The following ARID2 variants were observed in gnomAD, a reference collection of about 807,000 sequenced individuals.
ARID2 encodes AT-rich interaction domain 2, also known as AT-rich interactive domain-containing protein 2.
In ARID2, 32 loss-of-function variants were observed where a neutral mutation model predicts 184.6. The observed-to-expected ratio is 0.17, with a 90% CI of 0.13 to 0.23. The LOEUF (loss-of-function observed/expected upper bound fraction) is 0.23. Among genes scored for constraint, ARID2 ranks in the 10% least tolerant of loss-of-function variants. ARID2 has a pLI of 1.00. For missense variants in ARID2, 1,696 were observed against 2,197.6 expected (o/e 0.77, Z 4.56); for synonymous variants, 836 against 772.6 (o/e 1.08, Z -1.36).
intron 12 of ARID2, among the ~76,000 whole-genome samples, chr12:45,848,504 A>G (rs934395080): frequency 2.6e-5 from 4 of 152,110 alleles, no homozygotes; most frequent in African/African-American, 9.6e-5. Context: ...TATGATTATT[A>G]CAAGACAGGA....
At chr12:45,828,288 C>G (rs1943042007) in intron 6 of ARID2, among the ~76,000 whole-genome samples, 2 of 151,946 alleles carry the variant, frequency 1.3e-5, no homozygotes, top group Non-Finnish European at 2.9e-5. Flanking sequence ...CATATCGTTG[C>G]AAGTATTTGT....
Position 45,771,692 on chromosome 12 carries a change from C to CTATA in ARID2, c.285-39711_285-39708dup, listed in dbSNP as rs146042982. On this transcript the variant is annotated intron_variant, in intron 3 of 20. Transcript: ENST00000334344. ...TGTCTTAAAGAGCAAATGTGTAAAACTATATATATATATATATAGTCTTTG... is the reference window on the plus strand; with the variant it reads ...TGTCTTAAAGAGCAAATGTGTAAAACTATATATATATATATATATATAGTCTTTG... Among the ~76,000 whole-genome samples, 716 of 145,754 alleles carry CTATA rather than the reference C, an allele frequency of 4.9e-3. 2 individuals carry two copies. The highest frequency in any genetic ancestry group is 0.014 in the Middle Eastern group (4 of 288).
intron 15 of ARID2, among the ~76,000 whole-genome samples, chr12:45,855,124 A>C (rs558892286): frequency 6.6e-6 from 1 of 152,330 alleles, no homozygotes; most frequent in South Asian, 2.1e-4. Context: ...TTAAATGATC[A>C]TTTTAGGACA....
At chr12:45,731,673 G>A (rs1248742161) in intron 3 of ARID2, among the ~76,000 whole-genome samples, 1 of 151,946 alleles carries the variant, frequency 6.6e-6, no homozygotes, top group Non-Finnish European at 1.5e-5. Context: ...TAACCTTTGG[G>A]AAAATTTTTT....
chr12:45,905,353 C>A lies in ARID2; in HGVS notation c.*275C>A, dbSNP rs536590323. 6.4e-6 allele frequency: 2 copies of A among 310,184 alleles called. No individual in the cohort carries two copies. Among genetic ancestry groups the A allele is most frequent in the Non-Finnish European group, 1.2e-5 (2 of 167,508 alleles). 19.2% of individuals were successfully genotyped at this position (310,184 alleles called of 1,614,324 possible). A position where few individuals can be genotyped will look rare whatever the true frequency, so the allele number is the denominator to read the frequency against. On this transcript the variant is annotated 3_prime_UTR_variant, in exon 21 of 21. Transcript: ENST00000334344. ...GCAGGATGTTTCAGATCTGATAAAT[C>A]CTGATGGAAACTGGTATGATCAGAA...
intron 16 of ARID2, among the ~76,000 whole-genome samples, chr12:45,864,402 A>T (rs1304513805): frequency 3.3e-5 from 5 of 152,052 alleles, no homozygotes; most frequent in Admixed American, 6.5e-5. Flanking sequence ...TTTTGTTTAG[A>T]GTTTGAATTG....
intron 6 of ARID2, among the ~76,000 whole-genome samples, chr12:45,835,356 A>T (rs1592107256): frequency 6.6e-6 from 1 of 151,998 alleles, no homozygotes; most frequent in Admixed American, 6.6e-5. Context: ...ATTGTCTTTT[A>T]AAAAAATGTG....
In ARID2 at chr12:45,850,696, C is replaced by A. The variant is rs1476385697; in HGVS notation, c.2573C>A (p.Ala858Glu). 6.2e-7 allele frequency: 1 copy of A among 1,613,996 alleles called. No individual in the cohort carries two copies. Among genetic ancestry groups the A allele is most frequent in the Non-Finnish European group, 8.5e-7 (1 of 1,179,990 alleles). The part of the protein sequence containing the change: ...IAPPQYVTTS[A>E]SNIVSATSVQ... ...CCCCCACAGTATGTAACAACTTCTG[C>A]ATCCAATATTGTCTCAGCAACTTCA... The change falls in exon 15 of 21, where the codon GCA becomes GAA. Residue 858 changes from alanine to glutamate, a missense_variant. Physicochemically the swap from Ala to Glu is moderately radical, Grantham distance 107. Transcript: ENST00000334344.
intron 15 of ARID2, among the ~76,000 whole-genome samples, 182 bp from the exon 16 acceptor site, chr12:45,860,619 T>A (rs1260135192): frequency 6.6e-6 from 1 of 151,994 alleles, no homozygotes; most frequent in Admixed American, 6.5e-5. Context: ...AAATAAACTT[T>A]CTAAATATTT....
At chr12:45,749,675 C>G (rs1047182220) in intron 3 of ARID2, among the ~76,000 whole-genome samples, 1 of 152,194 alleles carries the variant, frequency 6.6e-6, no homozygotes, top group Admixed American at 6.5e-5. Context: ...TTTACCTTAG[C>G]TAGATCTTCT....
intron 3 of ARID2, 90 bp downstream of exon 3, chr12:45,731,404 A>T (rs1940995348): frequency 3.6e-6 from 3 of 844,018 alleles, no homozygotes; most frequent in Non-Finnish European, 6.0e-6. Flanking sequence ...AACCTTGCAC[A>T]CCAAACAGTT....
At chr12:45,808,188 A>G (rs550132591) in intron 3 of ARID2, among the ~76,000 whole-genome samples, 2 of 152,356 alleles carry the variant, frequency 1.3e-5, no homozygotes, top group Admixed American at 1.3e-4. Context: ...AGGTCATGTT[A>G]GGGAATTAAA....
chr12:45,836,870 G>C lies in ARID2; in HGVS notation c.902G>C (p.Gly301Ala), dbSNP rs2138127595. Residue 301 changes from glycine to alanine, a missense_variant, in exon 8 of 21, where the codon GGC becomes GCC. This residue lies in a region of ARID2 where 86 missense variants were observed against 200.8 expected (regional missense o/e 0.43). Coordinates refer to ENST00000334344, the MANE Select transcript of ARID2 (RefSeq NM_152641.4). ...VILRNLSFEE[G>A]NVKLLAANRT... is the part of the protein sequence containing the mutation. ...TTGAGAAATCTTTCCTTTGAGGAGGGCAATGTTAAGCTCTTGGCAGCTAAT... is the reference window on the plus strand; with the variant it reads ...TTGAGAAATCTTTCCTTTGAGGAGGCCAATGTTAAGCTCTTGGCAGCTAAT... 1.2e-6 allele frequency: 2 copies of C among 1,614,076 alleles called. No homozygotes were observed. Among genetic ancestry groups the C allele is most frequent in the Non-Finnish European group, 1.7e-6 (2 of 1,180,002 alleles).
intron 6 of ARID2, among the ~76,000 whole-genome samples, chr12:45,835,514 G>C (rs1236145084): frequency 2.0e-5 from 3 of 151,770 alleles, no homozygotes; most frequent in African/African-American, 7.3e-5. Flanking sequence ...AAAAAACCCA[G>C]TTGTTTTGAA....
chr12:45,811,580 T>A (rs2138083237), intron 4 of ARID2, 29 bp downstream of exon 4: 5 of 1,606,946 alleles, frequency 3.1e-6, no homozygotes, highest in Non-Finnish European at 4.3e-6. Flanking sequence ...TAACAGGATA[T>A]ATGTCCGCAG....
At chr12:45,857,321 T>G (rs973069888) in intron 15 of ARID2, among the ~76,000 whole-genome samples, 4 of 152,176 alleles carry the variant, frequency 2.6e-5, no homozygotes, top group African/African-American at 7.2e-5. Flanking sequence ...AATAGATTGG[T>G]AGCCTCAGGC....
intron 3 of ARID2, among the ~76,000 whole-genome samples, chr12:45,759,506 T>C (rs981232197): frequency 1.3e-5 from 2 of 152,132 alleles, no homozygotes; most frequent in Admixed American, 6.5e-5. Context: ...CTAGGAGATT[T>C]TAGGTCTTCT....
chr12:45,772,842 C>CATT (rs1359716141), intron 3 of ARID2, among the ~76,000 whole-genome samples: 3 of 152,082 alleles, frequency 2.0e-5, no homozygotes, highest in Non-Finnish European at 4.4e-5. Flanking sequence ...ACGGATAGAA[C>CATT]AACTTGGCAG....
intron 16 of ARID2, among the ~76,000 whole-genome samples, chr12:45,871,559 A>C (rs1217665307): frequency 6.6e-6 from 1 of 151,974 alleles, no homozygotes; most frequent in Non-Finnish European, 1.5e-5. Context: ...AGATTCTGGG[A>C]TGTAGTTTTC....
Sources: gnomAD v4.1 joint callset for allele counts (sites outside exome capture counted in the v4.1 genomes callset) on GRCh38, gnomAD v4.1.1 for gene constraint, gnomAD v4.1.1 regional missense constraint, MANE v1.5 for transcripts, NCBI Gene and HGNC (gene_info 2026-07-23, HGNC 2026-07-21) for gene names.